The following PTPRM variants were observed in gnomAD, a reference collection of about 807,000 sequenced individuals.
The protein encoded by PTPRM is receptor-type tyrosine-protein phosphatase mu.
A neutral mutation model predicts 186.7 loss-of-function variants in PTPRM; 47 were observed. That is an observed-to-expected ratio of 0.25 (90% CI 0.20 to 0.32). The LOEUF is 0.32. Among genes scored for constraint, PTPRM ranks in the 10% least tolerant of loss-of-function variants. PTPRM has a pLI of 1.00. For synonymous variants in PTPRM, 668 were observed against 674.9 expected (o/e 0.99, Z 0.16); for missense variants, 1,494 against 1,865.0 (o/e 0.80, Z 3.66).
chr18:8,150,580 T>C (rs1239765690), intron 14 of PTPRM, among the ~76,000 whole-genome samples: 1 of 152,164 alleles, frequency 6.6e-6, no homozygotes, highest in African/African-American at 2.4e-5. Context: ...CTTCCTTGCA[T>C]TGGGTTAGAA....
At chr18:8,091,042 G>A (rs1228017716) in intron 11 of PTPRM, among the ~76,000 whole-genome samples, 2 of 152,010 alleles carry the variant, frequency 1.3e-5, no homozygotes, top group African/African-American at 4.8e-5. Flanking sequence ...TTATTTTGTT[G>A]TTGCTTACTT....
intron 4 of PTPRM, among the ~76,000 whole-genome samples, chr18:7,923,789 C>T (rs1476210543): frequency 1.3e-5 from 2 of 152,166 alleles, no homozygotes; most frequent in Non-Finnish European, 2.9e-5. Flanking sequence ...TTTTAGTCAA[C>T]TACTTGAAGT....
At chr18:8,313,750 C>G (rs773201135) in intron 20 of PTPRM, among the ~76,000 whole-genome samples, 4 of 152,070 alleles carry the variant, frequency 2.6e-5, no homozygotes, top group Non-Finnish European at 4.4e-5. Flanking sequence ...CCTTCTCCCC[C>G]TTTCCCCTGA....
intron 3 of PTPRM, among the ~76,000 whole-genome samples, chr18:7,894,560 TA>T (rs1490948743): frequency 6.6e-6 from 1 of 151,972 alleles, no homozygotes; most frequent in African/African-American, 2.4e-5. Flanking sequence ...CACTCCAGCC[TA>T]GGGGGCAGAG....
At chr18:8,312,267 A>C (rs1009371590) in intron 20 of PTPRM, among the ~76,000 whole-genome samples, 1 of 151,236 alleles carries the variant, frequency 6.6e-6, no homozygotes, top group African/African-American at 2.4e-5. Flanking sequence ...AAGCCATAAC[A>C]ATCTACACAT....
intron 1 of PTPRM, among the ~76,000 whole-genome samples, chr18:7,636,595 A>G (rs2038319196): frequency 1.3e-5 from 2 of 152,126 alleles, no homozygotes; most frequent in African/African-American, 4.8e-5. Context: ...CCTACAGCCT[A>G]AGGGGGAGAT....
At chr18:8,290,006 C>T (rs990279262) in intron 19 of PTPRM, among the ~76,000 whole-genome samples, 1 of 152,162 alleles carries the variant, frequency 6.6e-6, no homozygotes, top group African/African-American at 2.4e-5. Flanking sequence ...TGACCATTGC[C>T]ATCACTGTGC....
In PTPRM at chr18:7,774,267, A is replaced by G. The variant is rs138411636; in HGVS notation, c.192A>G (p.Pro64=). ...LTKPTSDPWM[P]SGSFMLVNAS... ...AACCGACTTCTGATCCATGGATGCC[A>G]TCAGGTTTGCTTTTAGTTTTAAGTT... The change falls in exon 2 of 33, where the codon CCA becomes CCG. Residue 64 remains proline (P), a synonymous_variant. Coordinates refer to ENST00000580170, the MANE Select transcript of PTPRM (RefSeq NM_001105244.2). 3.1e-6 allele frequency: 5 copies of G among 1,613,874 alleles called. No homozygotes were observed. Among genetic ancestry groups the G allele is most frequent in the Admixed American group, 1.7e-5 (1 of 59,998 alleles).
chr18:8,172,841 C>G (rs371457077), intron 14 of PTPRM, among the ~76,000 whole-genome samples: 9 of 152,214 alleles, frequency 5.9e-5, no homozygotes, highest in African/African-American at 2.2e-4. Context: ...GGTTTGGTCT[C>G]GAAAGGGTCC....
At chr18:7,843,066 A>C (rs186117371) in intron 2 of PTPRM, among the ~76,000 whole-genome samples, 1 of 151,572 alleles carries the variant, frequency 6.6e-6, no homozygotes, top group African/African-American at 2.4e-5. Flanking sequence ...CTCTGGAGAA[A>C]CCTGGCTTAT....
At chr18:8,187,253 G>A (rs538168298) in intron 14 of PTPRM, among the ~76,000 whole-genome samples, 3 of 152,142 alleles carry the variant, frequency 2.0e-5, no homozygotes, top group Non-Finnish European at 2.9e-5. Flanking sequence ...GGATTTGTGT[G>A]ATAGCTACAA....
At chr18:7,671,767 A>T (rs1269068733) in intron 1 of PTPRM, among the ~76,000 whole-genome samples, 1 of 152,250 alleles carries the variant, frequency 6.6e-6, no homozygotes, top group East Asian at 1.9e-4. Context: ...AAATTAAAAA[A>T]ATAAGCAAAT....
At chr18:7,876,844 A>G (rs1599226277) in intron 2 of PTPRM, among the ~76,000 whole-genome samples, 1 of 152,346 alleles carries the variant, frequency 6.6e-6, no homozygotes, top group East Asian at 1.9e-4. Flanking sequence ...GCAGCTTAGT[A>G]TCATGCTTAA....
chr18:8,308,089 C>T (rs1006313265), intron 20 of PTPRM, among the ~76,000 whole-genome samples: 3 of 152,106 alleles, frequency 2.0e-5, no homozygotes, highest in African/African-American at 7.2e-5. Context: ...AGGTCAGTGC[C>T]ATTAAGTACT....
At chr18:7,597,290 G>C (rs2143700306) in intron 1 of PTPRM, among the ~76,000 whole-genome samples, 1 of 152,306 alleles carries the variant, frequency 6.6e-6, no homozygotes, top group Non-Finnish European at 1.5e-5. Flanking sequence ...CAGAGGCCTT[G>C]AGGTGTGAAG....
intron 14 of PTPRM, among the ~76,000 whole-genome samples, chr18:8,204,626 G>T (rs1351490836): frequency 1.3e-5 from 2 of 152,046 alleles, no homozygotes; most frequent in Non-Finnish European, 2.9e-5. Context: ...AAGAAGGGGA[G>T]CCATGTGCTA....
chr18:7,636,777 A>G, intron 1 of PTPRM, among the ~76,000 whole-genome samples: 1 of 152,188 alleles, frequency 6.6e-6, no homozygotes, highest in East Asian at 1.9e-4. Flanking sequence ...AAACAAAGGG[A>G]CTGGGTTGGA....
chr18:7,975,251 A>C (rs1267054071), intron 7 of PTPRM, among the ~76,000 whole-genome samples: 1 of 152,250 alleles, frequency 6.6e-6, no homozygotes, highest in Non-Finnish European at 1.5e-5. Flanking sequence ...ACAATCCAGC[A>C]GTTGTGTCCT....
In PTPRM at chr18:8,237,274, A is replaced by G. The variant is rs148585231; in HGVS notation, c.2301-6784A>G. ...CTTCTTTCTGCTATATCAATTAAGA[A>G]TTTTAAAAAATGTTTTATTTTACTT... On this transcript the variant is annotated intron_variant, in intron 14 of 32. Coordinates refer to ENST00000580170, the MANE Select transcript of PTPRM (RefSeq NM_001105244.2). Among the ~76,000 whole-genome samples, 1,380 of 152,192 alleles carry G rather than the reference A, an allele frequency of 9.1e-3. 21 individuals are homozygous for G. Among genetic ancestry groups the G allele is most frequent in the African/African-American group, 0.031 (1,294 of 41,540 alleles).
Sources: allele counts gnomAD v4.1 joint callset (sites outside exome capture counted in the v4.1 genomes callset), GRCh38; gene constraint gnomAD v4.1.1; transcripts MANE v1.5; gene names NCBI Gene and HGNC (gene_info 2026-07-23, HGNC 2026-07-21).